GSAP: variants seen among roughly 807,000 people sequenced by gnomAD.
GSAP encodes the protein gamma-secretase-activating protein.
GSAP carries 118 observed loss-of-function variants against 131.7 expected under a neutral mutation model. That is an observed-to-expected ratio of 0.90 (90% CI 0.77 to 1.04). The LOEUF (loss-of-function observed/expected upper bound fraction) is 1.04, where lower values mean the gene tolerates loss of function less well. Ranked by LOEUF, GSAP falls within the 50% of genes least tolerant of loss-of-function variation. The pLI is 0.00. For missense variants in GSAP, 1,019 were observed against 1,013.2 expected (o/e 1.01, Z -0.08); for synonymous variants, 381 against 363.4 (o/e 1.05, Z -0.55).
intron 13 of GSAP, 64 bp downstream of exon 13, chr7:77,362,519 T>C (rs1794679569): frequency 3.5e-6 from 3 of 854,120 alleles, no homozygotes; most frequent in Non-Finnish European, 6.0e-6. Flanking sequence ...TTAAGAGCTA[T>C]CTAATTTGCT....
chr7:77,325,657 AC>A (rs1285224311), intron 23 of GSAP, among the ~76,000 whole-genome samples: 1 of 152,148 alleles, frequency 6.6e-6, no homozygotes, highest in Non-Finnish European at 1.5e-5. Context: ...TGCAACCTCC[AC>A]TTCCTGGGTT....
intron 8 of GSAP, 46 bp downstream of exon 8, chr7:77,381,259 T>TG (rs771034994): frequency 3.6e-5 from 38 of 1,047,708 alleles, no homozygotes; most frequent in East Asian, 2.5e-4. Flanking sequence ...TACTTCTTTG[T>TG]GGGGAAAAAA....
At chr7:77,323,087 T>C (rs1449001978) in intron 24 of GSAP, among the ~76,000 whole-genome samples, 1 of 152,204 alleles carries the variant, frequency 6.6e-6, no homozygotes, top group Non-Finnish European at 1.5e-5. Context: ...TTTGAAAGAC[T>C]CAAGACAACC....
At chr7:77,343,530 AG>A (rs909918692) in intron 19 of GSAP, among the ~76,000 whole-genome samples, 112 of 152,302 alleles carry the variant, frequency 7.4e-4, no homozygotes, top group African/African-American at 2.5e-3. Flanking sequence ...TTACTTCCAA[AG>A]GAAGCTGGAG....
intron 8 of GSAP, among the ~76,000 whole-genome samples, chr7:77,378,137 T>C (rs549651610): frequency 1.3e-5 from 2 of 152,306 alleles, no homozygotes; most frequent in South Asian, 2.1e-4. Flanking sequence ...CTATTACCAA[T>C]GCATTGACTG....
chr7:77,349,526 T>G, intron 18 of GSAP, 122 bp from the exon 19 acceptor site: 2 of 726,674 alleles, frequency 2.8e-6, no homozygotes, highest in Non-Finnish European at 4.8e-6. Flanking sequence ...TTCTAACCTC[T>G]ACTTTAAATA....
chr7:77,393,411 C>T (rs1230160265), intron 5 of GSAP, among the ~76,000 whole-genome samples: 5 of 152,098 alleles, frequency 3.3e-5, no homozygotes, highest in East Asian at 1.9e-4. Context: ...CCTCTCCAGC[C>T]GTGACCTCTT....
Position 77,374,143 on chromosome 7 carries a change from A to G in GSAP, c.798T>C (p.Phe266=). ...CTCGGTATTGATGATAATCACATCC[A>G]AAGTTGACAAGTCTAAGAACATAAA... The part of the protein sequence containing the change: ...LSNSGFKLVN[F]GCDYHQYRDK... Residue 266 remains phenylalanine, a synonymous_variant, in exon 12 of 31, where the codon TTT becomes TTC. Coordinates refer to ENST00000257626, the MANE Select transcript of GSAP (RefSeq NM_017439.4). The G allele has an allele frequency of 6.4e-7, 1 of 1,564,770 alleles. No homozygotes were observed. The highest frequency in any genetic ancestry group is 8.8e-7 in the Non-Finnish European group (1 of 1,140,566).
intron 1 of GSAP, among the ~76,000 whole-genome samples, chr7:77,414,557 G>T (rs1340105532): frequency 1.3e-5 from 2 of 152,152 alleles, no homozygotes; most frequent in Non-Finnish European, 2.9e-5. Context: ...GCTATCTGTT[G>T]TTTAGTGGAA....
At chr7:77,408,242 T>C (rs562766110) in intron 1 of GSAP, among the ~76,000 whole-genome samples, 20 of 152,350 alleles carry the variant, frequency 1.3e-4, no homozygotes, top group Admixed American at 2.6e-4. Context: ...ACAGACTCTT[T>C]ACACAAAACA....
intron 12 of GSAP, among the ~76,000 whole-genome samples, chr7:77,366,689 G>A (rs1405151720): frequency 6.6e-6 from 1 of 152,086 alleles, no homozygotes; most frequent in Non-Finnish European, 1.5e-5. Flanking sequence ...TGTTCTTTTT[G>A]CTTAGGTGTA....
chr7:77,394,932 A>G (rs1800115830), intron 5 of GSAP, among the ~76,000 whole-genome samples: 1 of 152,248 alleles, frequency 6.6e-6, no homozygotes, highest in African/African-American at 2.4e-5. Context: ...CCAACATGAT[A>G]AAGTTGTGAG....
chr7:77,400,985 A>G (rs1265264477), intron 3 of GSAP, among the ~76,000 whole-genome samples: 2 of 151,160 alleles, frequency 1.3e-5, no homozygotes, highest in Admixed American at 6.6e-5. Context: ...GCTCAACAAC[A>G]TAGTGGAGAG....
At chr7:77,364,278 T>G (rs961140830) in intron 12 of GSAP, among the ~76,000 whole-genome samples, 7 of 152,088 alleles carry the variant, frequency 4.6e-5, no homozygotes, top group Admixed American at 2.0e-4. Flanking sequence ...CTTTTAGGAT[T>G]CTATCCTGGG....
At chr7:77,324,584 C>G (rs750432289) in intron 23 of GSAP, among the ~76,000 whole-genome samples, 1 of 152,166 alleles carries the variant, frequency 6.6e-6, no homozygotes, top group Admixed American at 6.5e-5. Context: ...AAGGCCAAGA[C>G]ATAATGGTAC....
At chr7:77,396,574 G>T (rs1460312263) in intron 5 of GSAP, among the ~76,000 whole-genome samples, 1 of 152,128 alleles carries the variant, frequency 6.6e-6, no homozygotes, top group East Asian at 1.9e-4. Flanking sequence ...GTGGGCCTTG[G>T]CAAATGAGCA....
chr7:77,374,148 T>C lies in GSAP; in HGVS notation c.793A>G (p.Asn265Asp). ...TATTGATGATAATCACATCCAAAGT[T>C]GACAAGTCTAAGAACATAAAGAATG... ...SLSNSGFKLV[N>D]FGCDYHQYRD... Residue 265 changes from asparagine to aspartate, a missense_variant, in exon 12 of 31, where the codon AAC becomes GAC. Asn to Asp is a conservative substitution (Grantham distance 23, BLOSUM62 1). Coordinates refer to ENST00000257626, the MANE Select transcript of GSAP (RefSeq NM_017439.4). The C allele has an allele frequency of 6.4e-7, 1 of 1,552,008 alleles. No individual in the cohort carries two copies. Among genetic ancestry groups the C allele is most frequent in the Non-Finnish European group, 8.9e-7 (1 of 1,129,408 alleles).
chr7:77,377,837 C>A (rs1192181004), intron 8 of GSAP, among the ~76,000 whole-genome samples: 2 of 152,220 alleles, frequency 1.3e-5, no homozygotes, highest in Admixed American at 1.3e-4. Context: ...TAGGCAATGA[C>A]CCCAATTTGG....
chr7:77,395,346 T>C (rs1800190985), intron 5 of GSAP, among the ~76,000 whole-genome samples: 1 of 152,122 alleles, frequency 6.6e-6, no homozygotes, highest in Non-Finnish European at 1.5e-5. Context: ...TTCCTCTTCT[T>C]GGAGAAATGG....
Sources: gnomAD v4.1 joint callset for allele counts (sites outside exome capture counted in the v4.1 genomes callset) on GRCh38, gnomAD v4.1.1 for gene constraint, MANE v1.5 for transcripts, NCBI Gene and HGNC (gene_info 2026-07-23, HGNC 2026-07-21) for gene names.